POU2F1: variants seen among roughly 807,000 people sequenced by gnomAD.
POU2F1 encodes POU domain, class 2, transcription factor 1.
A neutral mutation model predicts 84.9 loss-of-function variants in POU2F1; 16 were observed. That is an observed-to-expected ratio of 0.19 (90% CI 0.13 to 0.29). POU2F1 has a LOEUF of 0.29. Among genes scored for constraint, POU2F1 ranks in the 10% least tolerant of loss-of-function variants. The pLI is 1.00. For synonymous variants in POU2F1, 368 were observed against 368.3 expected (o/e 1.00, Z 0.01); for missense variants, 738 against 942.6 (o/e 0.78, Z 2.84).
intron 1 of POU2F1, among the ~76,000 whole-genome samples, chr1:167,316,246 T>A (rs1463972054): frequency 6.6e-6 from 1 of 152,218 alleles, no homozygotes; most frequent in African/African-American, 2.4e-5. Context: ...AATATAATGG[T>A]GTAGTTACAT....
chr1:167,412,817 A>G (rs558644626), intron 14 of POU2F1, among the ~76,000 whole-genome samples: 5 of 152,364 alleles, frequency 3.3e-5, no homozygotes, highest in Non-Finnish European at 4.4e-5. Flanking sequence ...AAAGTTTTAC[A>G]TTTTGTGCTG....
chr1:167,333,791 T>G lies in POU2F1; in HGVS notation c.127+1256T>G, dbSNP rs1011051170. On this transcript the variant is annotated intron_variant, in intron 2 of 15. Transcript: ENST00000367866. ...TCTGAATTGTCAGCCAGTCTCCTTT[T>G]TGTTACTTCTCTGTCCCCTGTTTGG... Among the ~76,000 whole-genome samples, 4 of 152,318 alleles carry G rather than the reference T, an allele frequency of 2.6e-5. No individual in the cohort carries two copies. In the East Asian group the frequency reaches 7.7e-4, roughly 29 times the overall value.
In POU2F1 at chr1:167,416,985, TTAAC is replaced by T. The variant is rs1650354943; in HGVS notation, c.*1181_*1184del. The T allele has an allele frequency of 6.6e-6, 1 of 152,204 alleles. No homozygotes were observed. Among genetic ancestry groups the T allele is most frequent in the East Asian group, 1.9e-4 (1 of 5,196 alleles). 9.4% of individuals were successfully genotyped at this position (152,204 alleles called of 1,614,324 possible). On this transcript the variant is annotated 3_prime_UTR_variant, in exon 16 of 16. Transcript: ENST00000367866. ...TTTGTGGAAGTTTTTCATCCAAACT[TTAAC>T]TAACTTGGCAAAGAAAAAAAACTGA...
At chr1:167,227,356 C>T (rs1317222794) in intron 1 of POU2F1, among the ~76,000 whole-genome samples, 2 of 152,136 alleles carry the variant, frequency 1.3e-5, no homozygotes, top group East Asian at 1.9e-4. Context: ...AGGTTTCCCC[C>T]CCTCTGTTGA....
intron 1 of POU2F1, among the ~76,000 whole-genome samples, chr1:167,242,883 C>G (rs1236478880): frequency 6.6e-6 from 1 of 152,158 alleles, no homozygotes; most frequent in African/African-American, 2.4e-5. Flanking sequence ...AACTATTAAT[C>G]ATACACAATG....
chr1:167,329,613 T>C (rs912153509), intron 1 of POU2F1, among the ~76,000 whole-genome samples: 6 of 152,138 alleles, frequency 3.9e-5, no homozygotes, highest in African/African-American at 1.4e-4. Flanking sequence ...CATGTAGTTA[T>C]AAAAACATCT....
chr1:167,311,867 A>G (rs750861940), intron 1 of POU2F1, among the ~76,000 whole-genome samples: 3 of 150,434 alleles, frequency 2.0e-5, no homozygotes, highest in Admixed American at 2.0e-4. Flanking sequence ...CATTGGTGCA[A>G]TCTTGGCTCA....
intron 1 of POU2F1, among the ~76,000 whole-genome samples, chr1:167,283,703 A>T (rs1297811721): frequency 6.6e-6 from 1 of 152,140 alleles, no homozygotes; most frequent in Non-Finnish European, 1.5e-5. Flanking sequence ...TGGACACAAG[A>T]ATGGTGTTCA....
intron 1 of POU2F1, among the ~76,000 whole-genome samples, chr1:167,224,374 G>A (rs1648465269): frequency 6.6e-6 from 1 of 152,158 alleles, no homozygotes; most frequent in African/African-American, 2.4e-5. Flanking sequence ...AATGAGGGCT[G>A]TGTATTCTTT....
intron 1 of POU2F1, among the ~76,000 whole-genome samples, chr1:167,260,438 A>G (rs1011349220): frequency 2.6e-5 from 4 of 152,186 alleles, no homozygotes; most frequent in African/African-American, 9.7e-5. Flanking sequence ...TATTAAAGAA[A>G]GCTGTCTCTT....
chr1:167,258,918 C>A (rs1489668589), intron 1 of POU2F1, among the ~76,000 whole-genome samples: 1 of 152,204 alleles, frequency 6.6e-6, no homozygotes, highest in Non-Finnish European at 1.5e-5. Context: ...TCTGCAAAAA[C>A]TATTCTTGGC....
intron 1 of POU2F1, among the ~76,000 whole-genome samples, chr1:167,267,392 A>G (rs920331448): frequency 1.5e-5 from 2 of 135,884 alleles, no homozygotes; most frequent in African/African-American, 3.0e-5. Context: ...TTTTACAATC[A>G]GGAAAAAAAA....
chr1:167,279,772 C>T (rs1359171736), intron 1 of POU2F1, among the ~76,000 whole-genome samples: 4 of 152,000 alleles, frequency 2.6e-5, no homozygotes, highest in Non-Finnish European at 4.4e-5. Context: ...TGGGTGGGGA[C>T]AGATGATGGA....
At position 167,238,309 on chromosome 1, in the gene POU2F1, G is replaced by A. The variant is rs1029089159; in HGVS notation, c.61+17351G>A. Among the ~76,000 whole-genome samples, 12 of 152,024 alleles carry A rather than the reference G, an allele frequency of 7.9e-5. No homozygotes were observed. The East Asian group carries it at 9.6e-4, about 12-fold the overall frequency. On this transcript the variant is annotated intron_variant, in intron 1 of 15. Transcript: ENST00000367866. ...ATATAAAAATCTAATATTTATTTCC[G>A]GTGGGGCCCAAATACTCTGTAAACT...
chr1:167,352,950 A>G (rs1658679130), intron 2 of POU2F1, among the ~76,000 whole-genome samples: 1 of 152,240 alleles, frequency 6.6e-6, no homozygotes, highest in Non-Finnish European at 1.5e-5. Context: ...CTGAGCGCTG[A>G]AAGACATTTA....
At chr1:167,279,412 G>A (rs1652960503) in intron 1 of POU2F1, among the ~76,000 whole-genome samples, 1 of 152,212 alleles carries the variant, frequency 6.6e-6, no homozygotes, top group Admixed American at 6.5e-5. Flanking sequence ...AGAGAATAAT[G>A]TGTGACCTAC....
At chr1:167,350,277 C>T (rs557601388) in intron 2 of POU2F1, among the ~76,000 whole-genome samples, 14 of 152,220 alleles carry the variant, frequency 9.2e-5, no homozygotes, top group African/African-American at 3.4e-4. Context: ...TTTACATATT[C>T]AGGATTTTGG....
intron 1 of POU2F1, among the ~76,000 whole-genome samples, chr1:167,314,788 C>G (rs957477687): frequency 1.3e-5 from 2 of 152,036 alleles, no homozygotes; most frequent in South Asian, 2.1e-4. Context: ...AAAACAACAG[C>G]GAAATCCCTA....
intron 1 of POU2F1, among the ~76,000 whole-genome samples, chr1:167,319,470 C>A (rs1203280327): frequency 3.3e-5 from 5 of 152,084 alleles, no homozygotes; most frequent in East Asian, 1.9e-4. Context: ...CTGTTTCCCC[C>A]CTTTTGCTTT....
Sources: allele counts gnomAD v4.1 joint callset (sites outside exome capture counted in the v4.1 genomes callset), GRCh38; gene constraint gnomAD v4.1.1; transcripts MANE v1.5; gene names NCBI Gene and HGNC (gene_info 2026-07-23, HGNC 2026-07-21).